The following DYNC2H1 variants were observed in gnomAD, a reference collection of about 807,000 sequenced individuals.
The protein encoded by DYNC2H1 is cytoplasmic dynein 2 heavy chain 1.
DYNC2H1 carries 410 observed loss-of-function variants against 570.0 expected under a neutral mutation model. The ratio of observed to expected loss-of-function variants is 0.72; its 90% CI spans 0.66 to 0.78. The LOEUF is 0.78. Among genes scored for constraint, DYNC2H1 ranks in the 30% least tolerant of loss-of-function variants. The pLI, the probability that DYNC2H1 is intolerant of heterozygous loss-of-function variation, is 0.00. For missense variants in DYNC2H1, 4,865 were observed against 5,046.4 expected (o/e 0.96, Z 1.09); for synonymous variants, 1,688 against 1,677.6 (o/e 1.01, Z -0.15).
intron 84 of DYNC2H1, among the ~76,000 whole-genome samples, chr11:103,414,464 C>G (rs12283567): frequency 0.094 from 14,349 of 152,066 alleles, 1,471 homozygotes; most frequent in African/African-American, 0.24. Flanking sequence ...ACTAAAAATA[C>G]AAAAATTAGC....
chr11:103,355,735 G>A (rs554654568), intron 82 of DYNC2H1, among the ~76,000 whole-genome samples: 1 of 152,054 alleles, frequency 6.6e-6, no homozygotes, highest in African/African-American at 2.4e-5. Context: ...TTTTAGAGAT[G>A]GGGTCTTGCT....
intron 75 of DYNC2H1, among the ~76,000 whole-genome samples, chr11:103,298,391 T>G (rs1866922626): frequency 6.6e-6 from 1 of 152,128 alleles, no homozygotes; most frequent in East Asian, 1.9e-4. Context: ...ACATGGCACA[T>G]AACCTTTCTT....
intron 83 of DYNC2H1, among the ~76,000 whole-genome samples, chr11:103,387,198 T>G (rs1941923136): frequency 6.6e-6 from 1 of 152,220 alleles, no homozygotes; most frequent in African/African-American, 2.4e-5. Flanking sequence ...ACATTCTAAC[T>G]GGTGTGAGAT....
At chr11:103,164,098 T>C (rs1861203532) in intron 30 of DYNC2H1, among the ~76,000 whole-genome samples, 1 of 152,204 alleles carries the variant, frequency 6.6e-6, no homozygotes, top group South Asian at 2.1e-4. Flanking sequence ...TAGACTGCTT[T>C]ATTACCACTG....
Position 103,174,117 on chromosome 11 carries a change from G to GA in DYNC2H1, c.5622dup (p.Gly1875ArgfsTer7). On this transcript the variant is annotated frameshift_variant, in exon 36 of 89. Coordinates refer to ENST00000375735, the MANE Select transcript of DYNC2H1 (RefSeq NM_001377.3). LOFTEE classifies it high-confidence loss of function. ...TTGAGAGCTTTGAAGACAGTTCTGA[G>GA]AGGAAGTGGAAATCTCCTTAGACAG... 3.1e-6 allele frequency: 5 copies of GA among 1,590,208 alleles called. No individual in the cohort carries two copies. The highest frequency in any genetic ancestry group is 3.4e-6 in the Non-Finnish European group (4 of 1,166,976).
intron 82 of DYNC2H1, among the ~76,000 whole-genome samples, chr11:103,342,571 C>T (rs1032777945): frequency 2.5e-4 from 38 of 151,146 alleles, no homozygotes; most frequent in Admixed American, 5.3e-4. Context: ...GGCGTGATCT[C>T]GGCTCACTGC....
chr11:103,477,285 A>G (rs1411263938), intron 88 of DYNC2H1, among the ~76,000 whole-genome samples: 1 of 152,178 alleles, frequency 6.6e-6, no homozygotes, highest in Non-Finnish European at 1.5e-5. Context: ...GCCACTTCCT[A>G]ACTAGGCTAC....
At position 103,133,765 on chromosome 11, in the gene DYNC2H1, A is replaced by G; in HGVS notation, c.2106+58A>G. ...GAATGATATTATTTAAAAAGTCATT[A>G]AGATACAATTTTTAAAAACTTATTT... is the stretch of plus-strand genomic sequence containing the variant. On this transcript the variant is annotated intron_variant, in intron 14 of 88. Coordinates refer to ENST00000375735, the MANE Select transcript of DYNC2H1 (RefSeq NM_001377.3). The surrounding 1 kb of genome is among the most constrained non-coding windows in gnomAD (Gnocchi z 4.8). 1 of 1,447,252 alleles carries G rather than the reference A, an allele frequency of 6.9e-7. No individual in the cohort carries two copies. Among genetic ancestry groups the G allele is most frequent in the Non-Finnish European group, 9.2e-7 (1 of 1,083,862 alleles). The allele number at this position is 1,447,252 out of a possible 1,614,324, so 89.7% of individuals were successfully genotyped here. A position where few individuals can be genotyped will look rare whatever the true frequency, so the allele number is the denominator to read the frequency against.
Position 103,277,227 on chromosome 11 carries a change from A to T in DYNC2H1, c.10696-3121A>T, listed in dbSNP as rs1301330250. Among the ~76,000 whole-genome samples the T allele has an allele frequency of 6.6e-6, 1 of 152,068 alleles. No homozygotes were observed. Among genetic ancestry groups the T allele is most frequent in the African/African-American group, 2.4e-5 (1 of 41,430 alleles). ...TTCACAAATTTATTTGTGCTCATAT[A>T]GTTATACAAAGTGTGTGTTCAAATT... On this transcript the variant is annotated intron_variant, in intron 70 of 88. Transcript: ENST00000375735. This position sits in a 1 kb window ranked among gnomAD's most constrained non-coding sequence, Gnocchi z 4.3.
intron 54 of DYNC2H1, among the ~76,000 whole-genome samples, chr11:103,213,157 T>C (rs682735): frequency 0.93 from 141,834 of 152,118 alleles, 66,152 homozygotes; most frequent in African/African-American, 0.94. Flanking sequence ...GGGTGAAATG[T>C]CTACTCAAAA....
intron 83 of DYNC2H1, among the ~76,000 whole-genome samples, chr11:103,386,482 C>T (rs954048957): frequency 1.3e-5 from 2 of 148,950 alleles, no homozygotes; most frequent in African/African-American, 5.0e-5. Flanking sequence ...GTATTTTGGG[C>T]TATCTTATTG....
intron 85 of DYNC2H1, among the ~76,000 whole-genome samples, chr11:103,440,239 TC>T (rs1944217603): frequency 6.6e-6 from 1 of 152,164 alleles, no homozygotes; most frequent in Non-Finnish European, 1.5e-5. Context: ...GACCCAATAT[TC>T]TAAGAAATGT....
chr11:103,436,195 C>G (rs2135753985), intron 85 of DYNC2H1, among the ~76,000 whole-genome samples, 163 bp downstream of exon 85: 1 of 85,574 alleles, frequency 1.2e-5, no homozygotes, highest in South Asian at 4.7e-4. Context: ...TAGCACTGTT[C>G]TATTTTTTTT....
intron 59 of DYNC2H1, among the ~76,000 whole-genome samples, chr11:103,225,312 A>G (rs1252099598): frequency 6.6e-6 from 1 of 152,196 alleles, no homozygotes; most frequent in Non-Finnish European, 1.5e-5. Context: ...GTTCTTGGTC[A>G]TGAAGTCTTT....
chr11:103,470,958 A>C (rs1310036303), intron 88 of DYNC2H1, among the ~76,000 whole-genome samples: 1 of 152,044 alleles, frequency 6.6e-6, no homozygotes, highest in Admixed American at 6.6e-5. Context: ...GTCAAATGGT[A>C]TTTCTAGTTC....
chr11:103,385,160 A>AT lies in DYNC2H1; in HGVS notation c.12157-14496dup, dbSNP rs200703919. Among the ~76,000 whole-genome samples the AT allele has an allele frequency of 2.6e-3, 401 of 152,076 alleles. 4 individuals are homozygous for AT. The highest frequency in any genetic ancestry group is 8.9e-3 in the African/African-American group (368 of 41,496). ...ATTGTGTTCTTTTTCTCTTTAATTC[A>AT]TTTTTTTAAAAAATTGGGTAAGATT... On this transcript the variant is annotated intron_variant, in intron 83 of 88. Coordinates refer to ENST00000375735, the MANE Select transcript of DYNC2H1 (RefSeq NM_001377.3).
At position 103,135,958 on chromosome 11, in the gene DYNC2H1, A is replaced by G; in HGVS notation, c.2574+10A>G. The G allele has an allele frequency of 6.4e-7, 1 of 1,553,056 alleles. No homozygotes were observed. Among genetic ancestry groups the G allele is most frequent in the Non-Finnish European group, 8.7e-7 (1 of 1,147,354 alleles). On this transcript the variant is annotated intron_variant, in intron 17 of 88. Coordinates refer to ENST00000375735, the MANE Select transcript of DYNC2H1 (RefSeq NM_001377.3). ...TTTACACCAACATAAGGTATAGAAC[A>G]TGTAATGTTCCATCCTTCCATCATA...
intron 84 of DYNC2H1, among the ~76,000 whole-genome samples, chr11:103,415,298 A>G (rs1388317746): frequency 1.3e-5 from 2 of 152,226 alleles, no homozygotes. Flanking sequence ...ATGGCATGCA[A>G]CAAAAGCCAA....
At position 103,163,453 on chromosome 11, in the gene DYNC2H1, T is replaced by A. The variant is rs908340136; in HGVS notation, c.4611+306T>A. The stretch of plus-strand genomic sequence containing the variant: ...AATCACAGGATCTATAACACTGTTG[T>A]CCCCTACCCGTCCATCCCTCCCATG... On this transcript the variant is annotated intron_variant, in intron 30 of 88. Coordinates refer to ENST00000375735, the MANE Select transcript of DYNC2H1 (RefSeq NM_001377.3). This position sits in a 1 kb window ranked among gnomAD's most constrained non-coding sequence, Gnocchi z 4.6. Among the ~76,000 whole-genome samples the A allele has an allele frequency of 2.6e-5, 4 of 152,124 alleles. No homozygotes were observed. The highest frequency in any genetic ancestry group is 5.9e-5 in the Non-Finnish European group (4 of 68,024).
Sources: gnomAD v4.1 joint callset for allele counts (sites outside exome capture counted in the v4.1 genomes callset) on GRCh38, gnomAD v4.1.1 for gene constraint, Gnocchi (gnomAD v3.1) non-coding constraint, MANE v1.5 for transcripts, NCBI Gene and HGNC (gene_info 2026-07-23, HGNC 2026-07-21) for gene names.